BNC2: variants seen among roughly 807,000 people sequenced by gnomAD.
BNC2 encodes the protein basonuclin zinc finger protein 2.
Under a neutral mutation model 76.3 loss-of-function variants are expected in BNC2, and 20 were observed. The observed-to-expected ratio is 0.26, with a 90% CI of 0.18 to 0.38. The LOEUF is 0.38. Ranked by LOEUF, BNC2 falls within the 10% of genes least tolerant of loss-of-function variation. The probability of loss-of-function intolerance (pLI) is 1.00; values close to 1 mark genes in which losing one functional copy is unlikely to be tolerated. For synonymous variants in BNC2, 582 were observed against 514.8 expected (o/e 1.13, Z -1.77); for missense variants, 1,382 against 1,399.8 (o/e 0.99, Z 0.20).
chr9:16,709,769 C>G (rs538092901), intron 3 of BNC2, among the ~76,000 whole-genome samples: 161 of 152,200 alleles, frequency 1.1e-3, no homozygotes, highest in African/African-American at 3.7e-3. Flanking sequence ...AAAGTATGAT[C>G]AGACTTAAAT....
intron 1 of BNC2, among the ~76,000 whole-genome samples, chr9:16,862,212 AC>A (rs1819428043): frequency 6.6e-6 from 1 of 152,250 alleles, no homozygotes; most frequent in Admixed American, 6.5e-5. Flanking sequence ...AAAAACTTGT[AC>A]ATGAATGTTC....
intron 1 of BNC2, among the ~76,000 whole-genome samples, chr9:16,789,432 C>G (rs1309707695): frequency 2.6e-5 from 4 of 152,138 alleles, no homozygotes; most frequent in African/African-American, 9.7e-5. Context: ...CTACAAGTTC[C>G]ATGGCGTTCC....
chr9:16,440,228 T>C (rs1821098109), intron 5 of BNC2, among the ~76,000 whole-genome samples: 1 of 151,954 alleles, frequency 6.6e-6, no homozygotes, highest in African/African-American at 2.4e-5. Flanking sequence ...GGCCCAGGAG[T>C]TGAACACAAA....
chr9:16,800,348 C>T (rs1358711593), intron 1 of BNC2, among the ~76,000 whole-genome samples: 2 of 152,092 alleles, frequency 1.3e-5, no homozygotes. Flanking sequence ...TATCTAAGTA[C>T]CATATACATG....
chr9:16,751,172 T>TAA (rs111393012), intron 1 of BNC2, among the ~76,000 whole-genome samples: 17 of 146,588 alleles, frequency 1.2e-4, no homozygotes, highest in Admixed American at 1.1e-3. Flanking sequence ...CACTGAAGTC[T>TAA]AAAAAAAAAC....
chr9:16,438,158 T>C (rs2130875290), intron 5 of BNC2, among the ~76,000 whole-genome samples: 1 of 152,304 alleles, frequency 6.6e-6, no homozygotes, highest in East Asian at 1.9e-4. Context: ...AGCAGGCAAT[T>C]TCATAAGGAA....
chr9:16,749,585 T>A (rs2225326), intron 1 of BNC2, among the ~76,000 whole-genome samples: 130,800 of 151,980 alleles, frequency 0.86, 56,675 homozygotes, highest in Non-Finnish European at 0.91. Flanking sequence ...CTGTGGTCCC[T>A]ACTACTCAGG....
chr9:16,542,141 A>C (rs1207606927), intron 5 of BNC2, among the ~76,000 whole-genome samples: 1 of 152,174 alleles, frequency 6.6e-6, no homozygotes, highest in Non-Finnish European at 1.5e-5. Flanking sequence ...AGAACAAGGA[A>C]ATCAGGTTAA....
intron 1 of BNC2, among the ~76,000 whole-genome samples, chr9:16,764,662 T>A (rs1825641043): frequency 1.3e-5 from 2 of 151,812 alleles, no homozygotes; most frequent in South Asian, 4.2e-4. Flanking sequence ...TTGAAACTAC[T>A]AATATAACAT....
At chr9:16,821,623 T>C (rs577341565) in intron 1 of BNC2, among the ~76,000 whole-genome samples, 3 of 152,124 alleles carry the variant, frequency 2.0e-5, no homozygotes, top group South Asian at 2.1e-4. Context: ...ACTGTAGAAG[T>C]TGCAAGGAGC....
At position 16,410,881 on chromosome 9, in the gene BNC2, G is replaced by A. The variant is rs1251095307; in HGVS notation, c.*8108C>T. The A allele has an allele frequency of 6.6e-6, 1 of 152,156 alleles. No individual in the cohort carries two copies. Among genetic ancestry groups the A allele is most frequent in the African/African-American group, 2.4e-5 (1 of 41,430 alleles). The allele number at this position is 152,156 out of a possible 1,614,324, so 9.4% of individuals were successfully genotyped here. A position where few individuals can be genotyped will look rare whatever the true frequency, so the allele number is the denominator to read the frequency against. Reference sequence around the variant, plus strand: ...TAGATTTAAAAAAAGAAACAGCCTTGGTGTATACATCTCAAGTGAACCTAT... The same window carrying A: ...TAGATTTAAAAAAAGAAACAGCCTTAGTGTATACATCTCAAGTGAACCTAT... On this transcript the variant is annotated 3_prime_UTR_variant, in exon 7 of 7. Coordinates refer to ENST00000380672, the MANE Select transcript of BNC2 (RefSeq NM_017637.6).
chr9:16,819,762 G>T (rs192174281), intron 1 of BNC2, among the ~76,000 whole-genome samples: 1 of 151,942 alleles, frequency 6.6e-6, no homozygotes, highest in African/African-American at 2.4e-5. Context: ...CCCATACCAA[G>T]CACTCTGAAA....
chr9:16,579,124 C>G (rs1819561823), intron 4 of BNC2, among the ~76,000 whole-genome samples: 1 of 152,138 alleles, frequency 6.6e-6, no homozygotes, highest in Non-Finnish European at 1.5e-5. Flanking sequence ...GAAATACCTA[C>G]TGGTATTCAG....
chr9:16,560,666 T>G (rs1051644272), intron 4 of BNC2, among the ~76,000 whole-genome samples: 7 of 152,212 alleles, frequency 4.6e-5, no homozygotes, highest in African/African-American at 1.7e-4. Flanking sequence ...AGTTCCAGGC[T>G]GCAGTGAGCT....
At chr9:16,825,080 C>T (rs964807300) in intron 1 of BNC2, among the ~76,000 whole-genome samples, 4 of 151,300 alleles carry the variant, frequency 2.6e-5, no homozygotes, top group African/African-American at 9.7e-5. Context: ...GAGGTGCCTG[C>T]CAAAGATACG....
rs754409695 is a variant in BNC2, at chr9:16,435,614, C to T, written c.2580G>A (p.Met860Ile). 4 of 1,614,048 alleles carry T rather than the reference C, an allele frequency of 2.5e-6. No homozygotes were observed. The highest frequency in any genetic ancestry group is 2.2e-5 in the South Asian group (2 of 91,074). The change falls in exon 6 of 7, where the codon ATG (methionine) becomes ATA (isoleucine). Residue 860 changes from methionine (M) to isoleucine (I), a missense_variant. By Grantham distance (10) the Met-to-Ile change is conservative. This residue lies in a region of BNC2 where 798 missense variants were observed against 775.5 expected (regional missense o/e 1.03). Coordinates refer to ENST00000380672, the MANE Select transcript of BNC2 (RefSeq NM_017637.6). ...TGCAACCAGCCACTGTGCAGACGTGCATCTCTTTCAAGTGAACGTTCCTGT... is the reference window on the plus strand; with the variant it reads ...TGCAACCAGCCACTGTGCAGACGTGTATCTCTTTCAAGTGAACGTTCCTGT... ...LHYRNVHLKE[M>I]HVCTVAGCNA...
intron 3 of BNC2, among the ~76,000 whole-genome samples, chr9:16,603,042 T>C (rs566385866): frequency 7.9e-5 from 12 of 152,376 alleles, no homozygotes; most frequent in Admixed American, 6.5e-5. Flanking sequence ...TACTGGAATA[T>C]TGTTCTCCAA....
intron 5 of BNC2, among the ~76,000 whole-genome samples, chr9:16,528,007 G>T (rs1817863386): frequency 2.6e-5 from 4 of 152,108 alleles, no homozygotes; most frequent in Middle Eastern, 3.2e-3. Flanking sequence ...TTTCCTGAGG[G>T]CTTTAACAAC....
chr9:16,575,157 T>C (rs907460291), intron 4 of BNC2: 3 of 518,240 alleles, frequency 5.8e-6, no homozygotes, highest in African/African-American at 4.2e-5. Context: ...AGAGAGATTA[T>C]ACAACTTGGC....
Sources: gnomAD v4.1 joint callset for allele counts (sites outside exome capture counted in the v4.1 genomes callset) on GRCh38, gnomAD v4.1.1 for gene constraint, gnomAD v4.1.1 regional missense constraint, MANE v1.5 for transcripts, NCBI Gene and HGNC (gene_info 2026-07-23, HGNC 2026-07-21) for gene names.